The following ASIC2 variants were observed in gnomAD, a reference collection of about 807,000 sequenced individuals.
ASIC2 encodes the protein acid sensing ion channel subunit 2, also known as acid-sensing ion channel 2.
A neutral mutation model predicts 57.3 loss-of-function variants in ASIC2; 25 were observed. That is an observed-to-expected ratio of 0.44 (90% CI 0.32 to 0.61). The LOEUF (loss-of-function observed/expected upper bound fraction) is 0.61, where lower values mean the gene tolerates loss of function less well. ASIC2 is among the 20% of genes least tolerant of loss of function. ASIC2 has a pLI of 0.06. For missense variants in ASIC2, 641 were observed against 738.1 expected (o/e 0.87, Z 1.52); for synonymous variants, 319 against 307.5 (o/e 1.04, Z -0.39).
intron 1 of ASIC2, among the ~76,000 whole-genome samples, chr17:33,151,181 G>GCA (rs56192428): frequency 1.3e-4 from 19 of 146,952 alleles, no homozygotes; most frequent in South Asian, 4.4e-4. Context: ...ACACACACAC[G>GCA]CACACACACA....
chr17:33,549,558 C>A (rs988764489), intron 1 of ASIC2, among the ~76,000 whole-genome samples: 1 of 152,202 alleles, frequency 6.6e-6, no homozygotes, highest in Non-Finnish European at 1.5e-5. Flanking sequence ...ACCTTCCTTT[C>A]AAGGCTCATT....
intron 1 of ASIC2, among the ~76,000 whole-genome samples, chr17:33,325,629 G>A (rs1907044385): frequency 6.6e-6 from 1 of 152,084 alleles, no homozygotes; most frequent in Non-Finnish European, 1.5e-5. Flanking sequence ...ATTTAACTAG[G>A]ATAATGGTAC....
chr17:33,947,184 G>A (rs1161259555), intron 1 of ASIC2, among the ~76,000 whole-genome samples: 1 of 152,186 alleles, frequency 6.6e-6, no homozygotes, highest in Non-Finnish European at 1.5e-5. Flanking sequence ...TAAAATCAAA[G>A]GAAAACTATT....
At chr17:33,186,191 A>G (rs1206086307) in intron 1 of ASIC2, among the ~76,000 whole-genome samples, 1 of 151,946 alleles carries the variant, frequency 6.6e-6, no homozygotes, top group African/African-American at 2.4e-5. Context: ...GCCAACTGCA[A>G]CCTCCATCTC....
At chr17:33,758,129 G>A (rs531051862) in intron 1 of ASIC2, among the ~76,000 whole-genome samples, 1 of 152,268 alleles carries the variant, frequency 6.6e-6, no homozygotes, top group African/African-American at 2.4e-5. Context: ...GGTGGCTGAA[G>A]ATCATGTAGC....
chr17:33,548,959 C>T (rs919826866), intron 1 of ASIC2, among the ~76,000 whole-genome samples: 1 of 152,148 alleles, frequency 6.6e-6, no homozygotes, highest in Non-Finnish European at 1.5e-5. Context: ...TATCACATCA[C>T]AGTGCTTTAT....
At chr17:33,886,606 G>T (rs1455966922) in intron 1 of ASIC2, among the ~76,000 whole-genome samples, 1 of 152,074 alleles carries the variant, frequency 6.6e-6, no homozygotes, top group Non-Finnish European at 1.5e-5. Context: ...AACAAATATA[G>T]TAAGATAACA....
At chr17:33,547,714 T>C (rs186636188) in intron 1 of ASIC2, among the ~76,000 whole-genome samples, 31 of 152,292 alleles carry the variant, frequency 2.0e-4, no homozygotes, top group Admixed American at 1.9e-3. Flanking sequence ...TAATTAATTG[T>C]CCCTGGTTGC....
At chr17:33,774,329 C>G (rs1354862181) in intron 1 of ASIC2, among the ~76,000 whole-genome samples, 2 of 152,196 alleles carry the variant, frequency 1.3e-5, no homozygotes, top group African/African-American at 4.8e-5. Flanking sequence ...TTGGTAGCAG[C>G]TGCTTGGAGC....
intron 1 of ASIC2, among the ~76,000 whole-genome samples, chr17:33,567,893 G>A (rs753469020): frequency 6.6e-5 from 10 of 151,860 alleles, no homozygotes; most frequent in East Asian, 3.9e-4. Flanking sequence ...TCTACATAGC[G>A]CAAGTCTTCA....
At chr17:33,178,183 T>C (rs1347623132) in intron 1 of ASIC2, among the ~76,000 whole-genome samples, 1 of 152,208 alleles carries the variant, frequency 6.6e-6, no homozygotes, top group South Asian at 2.1e-4. Flanking sequence ...TGCAAGGTAA[T>C]GCATATGTTC....
chr17:33,596,598 T>G (rs547343327), intron 1 of ASIC2, among the ~76,000 whole-genome samples: 84 of 152,296 alleles, frequency 5.5e-4, no homozygotes, highest in African/African-American at 1.8e-3. Context: ...GAACCTGCAG[T>G]ATCTTTGTCA....
chr17:34,155,088 C>G (rs1020640372), intron 1 of ASIC2, among the ~76,000 whole-genome samples: 2 of 152,076 alleles, frequency 1.3e-5, no homozygotes, highest in South Asian at 2.1e-4. Context: ...ACTCCTCCCC[C>G]AGGCTTTCCA....
chr17:33,371,274 G>C (rs943073041), intron 1 of ASIC2, among the ~76,000 whole-genome samples: 1 of 152,160 alleles, frequency 6.6e-6, no homozygotes, highest in African/African-American at 2.4e-5. Flanking sequence ...AACTTGCTGG[G>C]AATGTAGCCC....
intron 1 of ASIC2, among the ~76,000 whole-genome samples, chr17:33,148,180 G>C (rs1904643801): frequency 6.6e-6 from 1 of 152,224 alleles, no homozygotes; most frequent in Non-Finnish European, 1.5e-5. Context: ...CTGTCCCACA[G>C]GTTGACAGGG....
chr17:33,649,305 A>G (rs1053219759), intron 1 of ASIC2, among the ~76,000 whole-genome samples: 3 of 152,226 alleles, frequency 2.0e-5, no homozygotes, highest in African/African-American at 7.2e-5. Flanking sequence ...AATATTTACA[A>G]TTGCTCAAAA....
Position 34,047,244 on chromosome 17 carries a change from A to G in ASIC2, c.555+108734T>C, listed in dbSNP as rs7214729. Reference sequence around the variant, plus strand: ...TGTATTCAACATATTCATTTATTCAACATATATATAATGAGCACCTACTTT... The same window carrying G: ...TGTATTCAACATATTCATTTATTCAGCATATATATAATGAGCACCTACTTT... On this transcript the variant is annotated intron_variant, in intron 1 of 9. Transcript: ENST00000359872. Among the ~76,000 whole-genome samples the G allele has an allele frequency of 9.8e-3, 1,496 of 152,224 alleles. 24 individuals are homozygous for G. The highest frequency in any genetic ancestry group is 0.034 in the African/African-American group (1,407 of 41,524).
intron 1 of ASIC2, among the ~76,000 whole-genome samples, chr17:33,743,489 A>G (rs959766031): frequency 6.6e-6 from 1 of 152,244 alleles, no homozygotes; most frequent in African/African-American, 2.4e-5. Context: ...GTGTTAAAGC[A>G]TTATTCTGGA....
chr17:33,088,069 C>T (rs969842271), intron 3 of ASIC2, among the ~76,000 whole-genome samples: 2 of 152,168 alleles, frequency 1.3e-5, no homozygotes, highest in Admixed American at 6.5e-5. Context: ...TACTCACTGA[C>T]TTAGCTATGC....
Sources: allele counts gnomAD v4.1 joint callset (sites outside exome capture counted in the v4.1 genomes callset), GRCh38; gene constraint gnomAD v4.1.1; transcripts MANE v1.5; gene names NCBI Gene and HGNC (gene_info 2026-07-23, HGNC 2026-07-21).